Variants in CLASP2 observed in about 807,000 individuals in gnomAD.
CLASP2 encodes the protein CLIP-associating protein 2.
CLASP2 carries 47 observed loss-of-function variants against 194.4 expected under a neutral mutation model. That is an observed-to-expected ratio of 0.24 (90% CI 0.19 to 0.31). The LOEUF is 0.31. CLASP2 is among the 10% of genes least tolerant of loss of function. CLASP2 has a pLI of 1.00. For missense variants in CLASP2, 1,445 were observed against 1,823.6 expected, an observed-to-expected ratio of 0.79 and a Z score of 3.78; for synonymous variants, 619 against 633.5, an observed-to-expected ratio of 0.98 and a Z score of 0.34.
chr3:33,657,909 T>C (rs187356408), intron 7 of CLASP2, among the ~76,000 whole-genome samples: 114 of 152,234 alleles, frequency 7.5e-4, no homozygotes, highest in African/African-American at 2.6e-3. Context: ...ACTACATACA[T>C]AGTCAAAGGA....
chr3:33,702,659 GACA>G (rs1236472605), intron 1 of CLASP2, among the ~76,000 whole-genome samples: 2 of 152,020 alleles, frequency 1.3e-5, no homozygotes, highest in Non-Finnish European at 2.9e-5. Context: ...AAAGTGAAAA[GACA>G]ACCAACAGAA....
chr3:33,547,913 T>C (rs1489534773), intron 30 of CLASP2, among the ~76,000 whole-genome samples: 1 of 151,624 alleles, frequency 6.6e-6, no homozygotes, highest in Admixed American at 6.6e-5. Flanking sequence ...CTCAGCCTCC[T>C]GAGTAGCTGG....
At chr3:33,531,407 A>G (rs1286278569) in intron 34 of CLASP2, among the ~76,000 whole-genome samples, 1 of 152,242 alleles carries the variant, frequency 6.6e-6, no homozygotes, top group Non-Finnish European at 1.5e-5. Context: ...ATTTTTCCAA[A>G]GATGGTAATC....
intron 22 of CLASP2, among the ~76,000 whole-genome samples, chr3:33,583,783 T>TA (rs568884812): frequency 7.2e-5 from 11 of 151,764 alleles, no homozygotes; most frequent in Admixed American, 5.9e-4. Flanking sequence ...CTTAAAACAA[T>TA]AAAAAAAATT....
At chr3:33,506,402 A>G (rs1469347436) in intron 37 of CLASP2, among the ~76,000 whole-genome samples, 1 of 150,574 alleles carries the variant, frequency 6.6e-6, no homozygotes, top group Non-Finnish European at 1.5e-5. Flanking sequence ...AAAAAAAAAA[A>G]AAAAGAATTT....
chr3:33,645,931 C>T (rs1349805102), intron 7 of CLASP2, among the ~76,000 whole-genome samples: 24 of 20,600 alleles, frequency 1.2e-3, no homozygotes, highest in Non-Finnish European at 1.0e-3. Context: ...TCCCAGCATA[C>T]ACACACACAC....
chr3:33,559,322 C>A lies in CLASP2; in HGVS notation c.2994G>T (p.Gln998His). ...AAAGTTTTACCTTTAAGCTTGGTGT[C>A]TGGGTCTGATCAACTGTAAATCTCA... is the stretch of plus-strand genomic sequence containing the variant. ...ILMRFTVDQTQTPSLKVKVAI... is the reference protein window; with the variant it reads ...ILMRFTVDQTHTPSLKVKVAI... The change falls in exon 29 of 39, where the codon CAG becomes CAT. Residue 998 changes from glutamine (Q) to histidine (H), a missense_variant. Around this residue, in one of 4 missense-constraint regions of CLASP2, gnomAD observed 732 missense variants for 987.9 expected, o/e 0.74. Coordinates refer to ENST00000682230, the MANE Select transcript of CLASP2 (RefSeq NM_001365631.1). The A allele has an allele frequency of 1.9e-6, 3 of 1,584,464 alleles. No individual in the cohort carries two copies. Among genetic ancestry groups the A allele is most frequent in the Non-Finnish European group, 2.6e-6 (3 of 1,158,230 alleles).
intron 4 of CLASP2, among the ~76,000 whole-genome samples, chr3:33,687,916 G>C (rs1330436108): frequency 6.6e-6 from 1 of 152,090 alleles, no homozygotes; most frequent in Non-Finnish European, 1.5e-5. Context: ...GGGTAGGGTG[G>C]GGATGGGAAA....
chr3:33,663,509 T>C lies in CLASP2; in HGVS notation c.651A>G (p.Glu217=), dbSNP rs2085643925. 3.1e-6 allele frequency: 5 copies of C among 1,609,008 alleles called. No homozygotes were observed. Among genetic ancestry groups the C allele is most frequent in the Non-Finnish European group, 3.4e-6 (4 of 1,175,946 alleles). ...CTTCATCAAATTTGGCAAATATCAT[T>C]TCTAATCTGGGAATAAAGAATAAAT... ...YKRGIPPARL[E]MIFAKFDEVQ... The change falls in exon 7 of 39, where the codon GAA becomes GAG. Residue 217 remains glutamate, a synonymous_variant. Coordinates refer to ENST00000682230, the MANE Select transcript of CLASP2 (RefSeq NM_001365631.1).
intron 10 of CLASP2, among the ~76,000 whole-genome samples, chr3:33,624,363 C>T (rs1186107856): frequency 6.6e-6 from 1 of 151,938 alleles, no homozygotes; most frequent in Non-Finnish European, 1.5e-5. Flanking sequence ...AAAACTATCA[C>T]AAACAGAGGA....
intron 12 of CLASP2, among the ~76,000 whole-genome samples, chr3:33,614,171 T>C (rs1205132640): frequency 1.3e-5 from 2 of 152,144 alleles, no homozygotes; most frequent in African/African-American, 4.8e-5. Flanking sequence ...ATTGGTGAGA[T>C]GATAGGCTAG....
intron 13 of CLASP2, among the ~76,000 whole-genome samples, chr3:33,609,795 C>T (rs371352596): frequency 6.6e-6 from 1 of 152,188 alleles, no homozygotes; most frequent in East Asian, 1.9e-4. Context: ...TCTACATAGG[C>T]AGTGAATGTC....
intron 34 of CLASP2, 130 bp from the exon 35 acceptor site, chr3:33,517,304 G>T: frequency 1.5e-6 from 1 of 683,636 alleles, no homozygotes; most frequent in Non-Finnish European, 2.2e-6. Flanking sequence ...AAAGAAAAAA[G>T]ACATTAAGTA....
intron 24 of CLASP2, among the ~76,000 whole-genome samples, chr3:33,574,943 A>T (rs1478734182): frequency 3.3e-5 from 5 of 152,162 alleles, no homozygotes; most frequent in Non-Finnish European, 7.4e-5. Context: ...GTAGTTAAAC[A>T]TTCCTCATAT....
At chr3:33,693,831 CAGAA>C (rs991075650) in intron 2 of CLASP2, among the ~76,000 whole-genome samples, 51 of 150,376 alleles carry the variant, frequency 3.4e-4, no homozygotes, top group African/African-American at 1.2e-3. Flanking sequence ...ACAGGGATAA[CAGAA>C]AGAATAGGAG....
At chr3:33,590,581 T>C (rs1443953445) in intron 21 of CLASP2, among the ~76,000 whole-genome samples, 1 of 152,196 alleles carries the variant, frequency 6.6e-6, no homozygotes, top group African/African-American at 2.4e-5. Flanking sequence ...GATCTACTGA[T>C]TTAGTTGAGA....
At chr3:33,696,427 T>C (rs189390675) in intron 2 of CLASP2, among the ~76,000 whole-genome samples, 145 of 142,556 alleles carry the variant, frequency 1.0e-3, no homozygotes, top group South Asian at 2.3e-3. Flanking sequence ...CTGGGTAAAC[T>C]GAAATGCTAA....
intron 7 of CLASP2, among the ~76,000 whole-genome samples, chr3:33,646,075 A>G (rs1029240163): frequency 2.6e-5 from 4 of 152,070 alleles, no homozygotes; most frequent in African/African-American, 9.7e-5. Context: ...CAGCTTTACC[A>G]CACGCTTCAG....
At chr3:33,607,330 CA>C (rs1203317260) in intron 15 of CLASP2, 53 bp downstream of exon 15, 3 of 1,198,186 alleles carry the variant, frequency 2.5e-6, no homozygotes, top group Non-Finnish European at 3.5e-6. Flanking sequence ...TCTCCTAATA[CA>C]TTTTTTTTTA....
Sources: allele counts gnomAD v4.1 joint callset (sites outside exome capture counted in the v4.1 genomes callset), GRCh38; gene constraint gnomAD v4.1.1; regional missense constraint gnomAD v4.1.1; transcripts MANE v1.5; gene names NCBI Gene and HGNC (gene_info 2026-07-23, HGNC 2026-07-21).